USP5: variants seen among roughly 807,000 people sequenced by gnomAD.
The protein encoded by USP5 is ubiquitin specific peptidase 5.
A neutral mutation model predicts 102.5 loss-of-function variants in USP5; 24 were observed. The ratio of observed to expected loss-of-function variants is 0.23; its 90% CI spans 0.17 to 0.33. The LOEUF (loss-of-function observed/expected upper bound fraction) is 0.33, where lower values mean the gene tolerates loss of function less well. Among genes scored for constraint, USP5 ranks in the 10% least tolerant of loss-of-function variants. USP5 has a pLI of 1.00. For missense variants in USP5, 753 were observed against 1,122.1 expected (o/e 0.67, Z 4.70); for synonymous variants, 460 against 434.8 (o/e 1.06, Z -0.72).
chr12:6,858,419 CACAG>C lies in USP5; in HGVS notation c.868_871del. The C allele has an allele frequency of 6.3e-7, 1 of 1,596,618 alleles. No individual in the cohort carries two copies. Among genetic ancestry groups the C allele is most frequent in the Non-Finnish European group, 8.6e-7 (1 of 1,165,078 alleles). Reference sequence around the variant, plus strand: ...ACTCAGTCTGAAGTGCCCCTTCTCACACAGACAGACAAGACGATGACTGAGTTGG... The same window carrying C: ...ACTCAGTCTGAAGTGCCCCTTCTCACACAGACAAGACGATGACTGAGTTGG... On this transcript the variant is annotated splice_acceptor_variant and splice_polypyrimidine_tract_variant and intron_variant, in intron 7 of 19. Transcript: ENST00000229268. LOFTEE classifies it high-confidence loss of function. This position sits in a 1 kb window ranked among gnomAD's most constrained non-coding sequence, Gnocchi z 4.2.
chr12:6,864,645 C>A lies in USP5; in HGVS notation c.2245-77C>A. ...CGGAGCTTGCAGTGAGCCGAGATCG[C>A]GCCACTGCACTCCAGCCTGGGCGAC... On this transcript the variant is annotated intron_variant, in intron 17 of 19. Coordinates refer to ENST00000229268, the MANE Select transcript of USP5 (RefSeq NM_001098536.2). This position sits in a 1 kb window ranked among gnomAD's most constrained non-coding sequence, Gnocchi z 4.8. 1 of 1,496,816 alleles carries A rather than the reference C, an allele frequency of 6.7e-7. No homozygotes were observed. The highest frequency in any genetic ancestry group is 1.4e-5 in the African/African-American group (1 of 72,804). The allele number at this position is 1,496,816 out of a possible 1,614,324, so 92.7% of individuals were successfully genotyped here. A position where few individuals can be genotyped will look rare whatever the true frequency, so the allele number is the denominator to read the frequency against.
At position 6,864,188 on chromosome 12, in the gene USP5, G is replaced by A. The variant is rs781800281; in HGVS notation, c.2237G>A (p.Arg746Gln). The A allele has an allele frequency of 1.6e-5, 25 of 1,607,378 alleles. No homozygotes were observed. The highest frequency in any genetic ancestry group is 8.9e-5 in the East Asian group (4 of 44,756). Residue 746 changes from arginine (R) to glutamine (Q), a missense_variant, in exon 17 of 20, where the codon CGG (arginine) becomes CAG (glutamine). Physicochemically the swap from Arg to Gln is conservative, Grantham distance 43. Around this residue, in one of 3 missense-constraint regions of USP5, gnomAD observed 193 missense variants for 230.2 expected, o/e 0.84. Coordinates refer to ENST00000229268, the MANE Select transcript of USP5 (RefSeq NM_001098536.2). This position sits in a 1 kb window ranked among gnomAD's most constrained non-coding sequence, Gnocchi z 4.8. ...FSRDQALKAL[R>Q]ATNNSLERAV... is the part of the protein sequence containing the mutation. ...CGGGACCAGGCCTTGAAAGCGCTGC[G>A]GGCCACGGTATGGGCTGCCCCAGCT...
In USP5 at chr12:6,862,521, G is replaced by A. The variant is rs1432268490; in HGVS notation, c.1725G>A (p.Lys575=). ...ACTACCTGGTCATCCAGATCAAGAA[G>A]TTCACCTTCGGCTTAGACTGGGTGC... ...FPDYLVIQIK[K]FTFGLDWVPK... Residue 575 remains lysine, a synonymous_variant, in exon 14 of 20, where the codon AAG becomes AAA. Transcript: ENST00000229268. 12 of 1,614,074 alleles carry A rather than the reference G, an allele frequency of 7.4e-6. No homozygotes were observed. The African/African-American group carries it at 9.3e-5, about 13-fold the overall frequency.
At position 6,856,644 on chromosome 12, in the gene USP5, C is replaced by G; in HGVS notation, c.585-63C>G. On this transcript the variant is annotated intron_variant, in intron 5 of 19. Transcript: ENST00000229268. This position sits in a 1 kb window ranked among gnomAD's most constrained non-coding sequence, Gnocchi z 5.6. ...TGGCGGGGGGCCTGCAGAGCCCTCT[C>G]TCTCTGCCACTCCCTCAAATCCCCG... The G allele has an allele frequency of 6.3e-7, 1 of 1,584,894 alleles. No individual in the cohort carries two copies. The highest frequency in any genetic ancestry group is 8.6e-7 in the Non-Finnish European group (1 of 1,165,586).
intron 19 of USP5, 120 bp from the exon 20 acceptor site, chr12:6,865,864 G>C: frequency 1.2e-6 from 1 of 840,774 alleles, no homozygotes; most frequent in South Asian, 1.5e-5. Context: ...CTGGGCTGTG[G>C]ATTTGGGGTA....
chr12:6,864,561 C>T lies in USP5; in HGVS notation c.2245-161C>T, dbSNP rs1158596580. On this transcript the variant is annotated intron_variant, in intron 17 of 19. Transcript: ENST00000229268. This position sits in a 1 kb window ranked among gnomAD's most constrained non-coding sequence, Gnocchi z 4.8. ...AAAATTAACCAAGCGTGGTGGTGGG[C>T]GTCTGTAGTCCCAGCTACTTGGGAG... Among the ~76,000 whole-genome samples the T allele has an allele frequency of 2.0e-5, 3 of 152,204 alleles. No individual in the cohort carries two copies. Among genetic ancestry groups the T allele is most frequent in the South Asian group, 2.1e-4 (1 of 4,818 alleles).
Position 6,861,218 on chromosome 12 carries a change from A to AG in USP5, c.1498+114dup. On this transcript the variant is annotated intron_variant, in intron 12 of 19. Coordinates refer to ENST00000229268, the MANE Select transcript of USP5 (RefSeq NM_001098536.2). This position sits in a 1 kb window ranked among gnomAD's most constrained non-coding sequence, Gnocchi z 4.9. ...AGGGAATGCCCTGCTTCACCAGCCA[A>AG]GGTTCCAGTCTGGGCCACCAGGAGT... 1 of 1,525,762 alleles carries AG rather than the reference A, an allele frequency of 6.6e-7. No individual in the cohort carries two copies. Among genetic ancestry groups the AG allele is most frequent in the Non-Finnish European group, 8.8e-7 (1 of 1,135,082 alleles). The allele number at this position is 1,525,762 out of a possible 1,614,324, so 94.5% of individuals were successfully genotyped here.
chr12:6,863,101 T>C lies in USP5; in HGVS notation c.1763-85T>C, dbSNP rs1944324649. 9.4e-6 allele frequency: 13 copies of C among 1,389,546 alleles called. No homozygotes were observed. The Admixed American group carries it at 3.0e-4, about 32-fold the overall frequency. The allele number at this position is 1,389,546 out of a possible 1,614,324, so 86.1% of individuals were successfully genotyped here. A position where few individuals can be genotyped will look rare whatever the true frequency, so the allele number is the denominator to read the frequency against. On this transcript the variant is annotated intron_variant, in intron 14 of 19. Transcript: ENST00000229268. This position sits in a 1 kb window ranked among gnomAD's most constrained non-coding sequence, Gnocchi z 4.7. ...GCAGCTCCTCTTTACAGAGCAGTTC[T>C]GACATAGGGGGCAGGGGATTGAGGT... is the stretch of plus-strand genomic sequence containing the variant.
In USP5 at chr12:6,861,137, C is replaced by G. The variant is rs1185106186; in HGVS notation, c.1498+31C>G. ...CTGCTCCATCAGCAAGGCCGTGGCA[C>G]GGTGGGAGGCTAAGGTCTAGGAGGA... On this transcript the variant is annotated intron_variant, in intron 12 of 19. Transcript: ENST00000229268. The surrounding 1 kb of genome is among the most constrained non-coding windows in gnomAD (Gnocchi z 4.9). 6.2e-7 allele frequency: 1 copy of G among 1,612,366 alleles called. No individual in the cohort carries two copies. Among genetic ancestry groups the G allele is most frequent in the Admixed American group, 1.7e-5 (1 of 59,918 alleles).
Position 6,863,014 on chromosome 12 carries a change from A to G in USP5, c.1763-172A>G. 3.3e-6 allele frequency: 2 copies of G among 615,244 alleles called. No individual in the cohort carries two copies. The highest frequency in any genetic ancestry group is 5.4e-6 in the Non-Finnish European group (2 of 370,680). The allele number at this position is 615,244 out of a possible 1,614,324, so 38.1% of individuals were successfully genotyped here. On this transcript the variant is annotated intron_variant, in intron 14 of 19. Transcript: ENST00000229268. The surrounding 1 kb of genome is among the most constrained non-coding windows in gnomAD (Gnocchi z 4.7). ...CTAGGACCAGCATCCTGGCCTCCCA[A>G]CTCCCAGGCTTAGTATTATTTGTCT...
At chr12:6,854,367 A>G (rs1021510850) in intron 1 of USP5, among the ~76,000 whole-genome samples, 7 of 152,204 alleles carry the variant, frequency 4.6e-5, no homozygotes, top group Admixed American at 2.6e-4. Flanking sequence ...CTAACAAGTC[A>G]TTGTTCCCCT....
intron 7 of USP5, 28 bp downstream of exon 7, chr12:6,857,751 T>C (rs782398213): frequency 6.2e-7 from 1 of 1,611,954 alleles, no homozygotes; most frequent in Non-Finnish European, 8.5e-7. Flanking sequence ...TTCAGATTCT[T>C]CTACTTCCTG....
Position 6,856,976 on chromosome 12 carries a change from A to G in USP5, c.769+85A>G. ...TTCGTGTGACATGTATAATACATGAATGCATTATCTTGATAAGAAAGGAAA... is the reference window on the plus strand; with the variant it reads ...TTCGTGTGACATGTATAATACATGAGTGCATTATCTTGATAAGAAAGGAAA... On this transcript the variant is annotated intron_variant, in intron 6 of 19. Coordinates refer to ENST00000229268, the MANE Select transcript of USP5 (RefSeq NM_001098536.2). This position sits in a 1 kb window ranked among gnomAD's most constrained non-coding sequence, Gnocchi z 5.6. The G allele has an allele frequency of 6.7e-7, 1 of 1,483,566 alleles. No individual in the cohort carries two copies. Among genetic ancestry groups the G allele is most frequent in the Non-Finnish European group, 9.1e-7 (1 of 1,102,484 alleles). The allele number at this position is 1,483,566 out of a possible 1,614,324, so 91.9% of individuals were successfully genotyped here.
chr12:6,860,562 CCTCT>C lies in USP5; in HGVS notation c.1344+72_1344+75del. The C allele has an allele frequency of 1.9e-6, 3 of 1,598,150 alleles. No individual in the cohort carries two copies. Among genetic ancestry groups the C allele is most frequent in the South Asian group, 2.2e-5 (2 of 90,264 alleles). On this transcript the variant is annotated intron_variant, in intron 11 of 19. Coordinates refer to ENST00000229268, the MANE Select transcript of USP5 (RefSeq NM_001098536.2). This position sits in a 1 kb window ranked among gnomAD's most constrained non-coding sequence, Gnocchi z 5.5. ...TCGCTCTCCTTCCTGCCCATTTCTC[CCTCT>C]ATCAGCCCCAACCCAGTCCCATCCC...
Position 6,856,991 on chromosome 12 carries a change from A to G in USP5, c.769+100A>G. 2 of 1,419,548 alleles carry G rather than the reference A, an allele frequency of 1.4e-6. No homozygotes were observed. Among genetic ancestry groups the G allele is most frequent in the South Asian group, 1.4e-5 (1 of 72,068 alleles). The allele number at this position is 1,419,548 out of a possible 1,614,324, so 87.9% of individuals were successfully genotyped here. A position where few individuals can be genotyped will look rare whatever the true frequency, so the allele number is the denominator to read the frequency against. On this transcript the variant is annotated intron_variant, in intron 6 of 19. Transcript: ENST00000229268. The surrounding 1 kb of genome is among the most constrained non-coding windows in gnomAD (Gnocchi z 5.6). ...TAATACATGAATGCATTATCTTGATAAGAAAGGAAAGTAGTCAGGTGCGGT... is the reference window on the plus strand; with the variant it reads ...TAATACATGAATGCATTATCTTGATGAGAAAGGAAAGTAGTCAGGTGCGGT...
chr12:6,860,225 T>G lies in USP5; in HGVS notation c.1205T>G (p.Val402Gly), dbSNP rs782477687. 29 of 1,608,582 alleles carry G rather than the reference T, an allele frequency of 1.8e-5. No individual in the cohort carries two copies. Among genetic ancestry groups the G allele is most frequent in the Non-Finnish European group, 1.8e-5 (21 of 1,178,472 alleles). Residue 402 changes from valine to glycine, a missense_variant, in exon 10 of 20, where the codon GTG (valine) becomes GGG (glycine). Val to Gly is a moderately radical substitution (Grantham distance 109). Coordinates refer to ENST00000229268, the MANE Select transcript of USP5 (RefSeq NM_001098536.2). The surrounding 1 kb of genome is among the most constrained non-coding windows in gnomAD (Gnocchi z 5.5). ...CCGGAGTCGGGCGATGGGGAGCGGG[T>G]GCCAGAACAGAAGGTGCGTCTAGGA... is the stretch of plus-strand genomic sequence containing the variant. ...PVPESGDGER[V>G]PEQKEVQDGI...
Position 6,860,629 on chromosome 12 carries a change from G to A in USP5, c.1344+138G>A. 2.8e-6 allele frequency: 4 copies of A among 1,438,424 alleles called. No homozygotes were observed. Among genetic ancestry groups the A allele is most frequent in the South Asian group, 1.3e-5 (1 of 77,510 alleles). The allele number at this position is 1,438,424 out of a possible 1,614,324, so 89.1% of individuals were successfully genotyped here. Reference sequence around the variant, plus strand: ...GTCTGTGTCCCTGTGAACAGTGCTTGCACCTGAGGAGGACAGTGAAGGTGA... The same window carrying A: ...GTCTGTGTCCCTGTGAACAGTGCTTACACCTGAGGAGGACAGTGAAGGTGA... On this transcript the variant is annotated intron_variant, in intron 11 of 19. Transcript: ENST00000229268. The surrounding 1 kb of genome is among the most constrained non-coding windows in gnomAD (Gnocchi z 5.5).
chr12:6,864,675 C>T lies in USP5; in HGVS notation c.2245-47C>T, dbSNP rs782780358. 2.5e-5 allele frequency: 40 copies of T among 1,573,232 alleles called. No homozygotes were observed. Among genetic ancestry groups the T allele is most frequent in the Non-Finnish European group, 3.2e-5 (37 of 1,163,378 alleles). On this transcript the variant is annotated intron_variant, in intron 17 of 19. Transcript: ENST00000229268. This position sits in a 1 kb window ranked among gnomAD's most constrained non-coding sequence, Gnocchi z 4.8. ...CTGCACTCCAGCCTGGGCGACAGAG[C>T]AAGACTCCGTCTCAAGAAAAAAAGT...
chr12:6,860,085 T>G lies in USP5; in HGVS notation c.1131-66T>G. Reference sequence around the variant, plus strand: ...GCTAGGGAGAGCCACGAGCAGGGGGTTGAGCTGGGGACACACAGGGTCGTT... The same window carrying G: ...GCTAGGGAGAGCCACGAGCAGGGGGGTGAGCTGGGGACACACAGGGTCGTT... On this transcript the variant is annotated intron_variant, in intron 9 of 19. Coordinates refer to ENST00000229268, the MANE Select transcript of USP5 (RefSeq NM_001098536.2). The surrounding 1 kb of genome is among the most constrained non-coding windows in gnomAD (Gnocchi z 5.5). 1 of 1,564,668 alleles carries G rather than the reference T, an allele frequency of 6.4e-7. No homozygotes were observed. The highest frequency in any genetic ancestry group is 8.7e-7 in the Non-Finnish European group (1 of 1,150,876).
Sources: allele counts gnomAD v4.1 joint callset (sites outside exome capture counted in the v4.1 genomes callset), GRCh38; gene constraint gnomAD v4.1.1; regional missense constraint gnomAD v4.1.1; non-coding constraint Gnocchi (gnomAD v3.1); transcripts MANE v1.5; gene names NCBI Gene and HGNC (gene_info 2026-07-23, HGNC 2026-07-21).